The following IQCH variants were observed in gnomAD, a reference collection of about 807,000 sequenced individuals.
IQCH encodes the protein IQ motif containing H, also known as IQ domain-containing protein H.
A neutral mutation model predicts 117.0 loss-of-function variants in IQCH; 98 were observed. The observed-to-expected ratio is 0.84, with a 90% CI of 0.71 to 0.99. IQCH has a LOEUF of 0.99. Ranked by LOEUF, IQCH falls within the 50% of genes least tolerant of loss-of-function variation. The pLI, the probability that IQCH is intolerant of heterozygous loss-of-function variation, is 0.00. For missense variants in IQCH, 1,102 were observed against 1,243.8 expected, an observed-to-expected ratio of 0.89 and a Z score of 1.72; for synonymous variants, 412 against 448.2, an observed-to-expected ratio of 0.92 and a Z score of 1.02.
chr15:67,300,034 T>C (rs1966946669), intron 4 of IQCH, among the ~76,000 whole-genome samples: 1 of 152,174 alleles, frequency 6.6e-6, no homozygotes, highest in Non-Finnish European at 1.5e-5. Context: ...GTGATTTTTA[T>C]ATTTCTATCA....
At chr15:67,270,234 T>C (rs1965846078) in intron 3 of IQCH, among the ~76,000 whole-genome samples, 2 of 152,210 alleles carry the variant, frequency 1.3e-5, no homozygotes, top group African/African-American at 4.8e-5. Flanking sequence ...CTAATTGCTC[T>C]GGCCAGGATT....
intron 4 of IQCH, among the ~76,000 whole-genome samples, chr15:67,301,336 G>A (rs890291430): frequency 2.0e-5 from 3 of 149,490 alleles, no homozygotes; most frequent in African/African-American, 7.4e-5. Context: ...TAGATGGTTC[G>A]TAAGACAAAT....
intron 4 of IQCH, among the ~76,000 whole-genome samples, chr15:67,327,076 A>G (rs1968445429): frequency 1.3e-5 from 2 of 152,196 alleles, no homozygotes; most frequent in African/African-American, 4.8e-5. Flanking sequence ...ATTTCTATTT[A>G]CATTTGTTAA....
chr15:67,389,407 C>T (rs1486361233), intron 12 of IQCH, among the ~76,000 whole-genome samples: 2 of 152,096 alleles, frequency 1.3e-5, no homozygotes, highest in Non-Finnish European at 2.9e-5. Context: ...ACAGGTACTC[C>T]GTGTTTTTTC....
intron 3 of IQCH, among the ~76,000 whole-genome samples, chr15:67,272,258 GTAGT>G (rs1965928699): frequency 6.6e-6 from 1 of 151,824 alleles, no homozygotes; most frequent in Non-Finnish European, 1.5e-5. Flanking sequence ...TTATCTCATT[GTAGT>G]TAGAAAAAAA....
At chr15:67,337,160 C>T (rs1968931802) in intron 5 of IQCH, 65 bp downstream of exon 5, 7 of 1,572,266 alleles carry the variant, frequency 4.5e-6, no homozygotes, top group Middle Eastern at 1.7e-4. Flanking sequence ...GAGGTAGGAT[C>T]GGAGGCCTGA....
At chr15:67,321,783 C>G (rs1313033763) in intron 4 of IQCH, among the ~76,000 whole-genome samples, 2 of 152,160 alleles carry the variant, frequency 1.3e-5, no homozygotes, top group Non-Finnish European at 2.9e-5. Context: ...CACTTGGAAA[C>G]TTTTCATTTA....
chr15:67,452,415 G>C (rs1489872172), intron 16 of IQCH, among the ~76,000 whole-genome samples: 1 of 152,148 alleles, frequency 6.6e-6, no homozygotes, highest in African/African-American at 2.4e-5. Flanking sequence ...TTTAGGGCTG[G>C]CCTGGTGGTG....
chr15:67,310,874 G>A lies in IQCH; in HGVS notation c.388-26101G>A, dbSNP rs554314201. Among the ~76,000 whole-genome samples, 20 of 152,150 alleles carry A rather than the reference G, an allele frequency of 1.3e-4. No homozygotes were observed. In the East Asian group the frequency reaches 2.7e-3, roughly 21 times the overall value. ...TGACTGTCTGAAAGAGAAGGGTGGCGAGATATCTGAAAAGAAATTTAAATG... is the reference window on the plus strand; with the variant it reads ...TGACTGTCTGAAAGAGAAGGGTGGCAAGATATCTGAAAAGAAATTTAAATG... On this transcript the variant is annotated intron_variant, in intron 4 of 20. Transcript: ENST00000335894.
At chr15:67,268,586 GGAAAA>G (rs1007238455) in intron 3 of IQCH, among the ~76,000 whole-genome samples, 1 of 151,994 alleles carries the variant, frequency 6.6e-6, no homozygotes, top group East Asian at 1.9e-4. Flanking sequence ...CTACTATTTA[GGAAAA>G]GAAAAGAAAA....
At position 67,458,364 on chromosome 15, in the gene IQCH, G is replaced by T. The variant is rs2082707455; in HGVS notation, c.2506-6763G>T. On this transcript the variant is annotated intron_variant, in intron 16 of 20. Transcript: ENST00000335894. This position sits in a 1 kb window ranked among gnomAD's most constrained non-coding sequence, Gnocchi z 4.1. ...TCCAATCCATCAATAAGTCCTTTTA[G>T]TTCTACTTTTGAAAAATATCTATAA... Among the ~76,000 whole-genome samples the T allele has an allele frequency of 6.6e-6, 1 of 152,168 alleles. No individual in the cohort carries two copies. Among genetic ancestry groups the T allele is most frequent in the Non-Finnish European group, 1.5e-5 (1 of 68,030 alleles).
In IQCH at chr15:67,432,100, T is replaced by C. The variant is rs987293367; in HGVS notation, c.2505+10523T>C. 5.9e-5 allele frequency among the ~76,000 whole-genome samples: 9 copies of C among 152,176 alleles called. No homozygotes were observed. The East Asian group carries it at 1.5e-3, about 26-fold the overall frequency. On this transcript the variant is annotated intron_variant, in intron 16 of 20. Coordinates refer to ENST00000335894, the MANE Select transcript of IQCH (RefSeq NM_001031715.3). The surrounding 1 kb of genome is among the most constrained non-coding windows in gnomAD (Gnocchi z 5.0). ...AATTGTGAACTTTGAAACAACAATC[T>C]GTATTATAAGCATTGATAGTTAATA...
rs531441084 is a variant in IQCH, at chr15:67,273,097, GTC to G, written c.270-6290_270-6289del. The stretch of plus-strand genomic sequence containing the variant: ...AATTAATTTATTTTTTGGAGACAGG[GTC>G]TCTCTCTGTCGCCCAGGCTGGAGTG... On this transcript the variant is annotated intron_variant, in intron 3 of 20. Coordinates refer to ENST00000335894, the MANE Select transcript of IQCH (RefSeq NM_001031715.3). 5.3e-3 allele frequency among the ~76,000 whole-genome samples: 800 copies of G among 151,864 alleles called. 4 individuals carry two copies. The highest frequency in any genetic ancestry group is 0.019 in the African/African-American group (776 of 41,414).
chr15:67,489,411 T>TGCCTCCCA (rs1456577566), intron 18 of IQCH, among the ~76,000 whole-genome samples: 2 of 151,786 alleles, frequency 1.3e-5, no homozygotes, highest in Non-Finnish European at 2.9e-5. Flanking sequence ...CTGAAACCTC[T>TGCCTCCCA]GCCTCCCAGG....
intron 4 of IQCH, among the ~76,000 whole-genome samples, chr15:67,336,022 C>A (rs774617884): frequency 2.0e-5 from 3 of 151,778 alleles, no homozygotes; most frequent in Non-Finnish European, 4.4e-5. Context: ...ATTGTGCAAC[C>A]GAGTCCAATG....
chr15:67,382,627 T>A (rs1490981027), intron 10 of IQCH, among the ~76,000 whole-genome samples: 2 of 152,190 alleles, frequency 1.3e-5, no homozygotes, highest in Non-Finnish European at 2.9e-5. Context: ...ATAACTAAAT[T>A]TCTCACAAGA....
In IQCH at chr15:67,417,160, T is replaced by G; in HGVS notation, c.2218+109T>G. ...ATACTTTGCATCTCCTGTGTTGGTT[T>G]AGAAAAGTGCTCCTACGGTTTTCTT... On this transcript the variant is annotated intron_variant, in intron 15 of 20. Transcript: ENST00000335894. This position sits in a 1 kb window ranked among gnomAD's most constrained non-coding sequence, Gnocchi z 4.3. 2 of 892,486 alleles carry G rather than the reference T, an allele frequency of 2.2e-6. No individual in the cohort carries two copies. The highest frequency in any genetic ancestry group is 3.2e-6 in the Non-Finnish European group (2 of 624,048). The allele number at this position is 892,486 out of a possible 1,614,324, so 55.3% of individuals were successfully genotyped here. A position where few individuals can be genotyped will look rare whatever the true frequency, so the allele number is the denominator to read the frequency against.
At chr15:67,440,563 C>G (rs2082243690) in intron 16 of IQCH, among the ~76,000 whole-genome samples, 1 of 152,170 alleles carries the variant, frequency 6.6e-6, no homozygotes, top group African/African-American at 2.4e-5. Context: ...GATGGTTTAA[C>G]ATACGCAAGT....
At chr15:67,274,040 A>G (rs1966017432) in intron 3 of IQCH, among the ~76,000 whole-genome samples, 1 of 152,200 alleles carries the variant, frequency 6.6e-6, no homozygotes, top group African/African-American at 2.4e-5. Context: ...TGCCAGATTA[A>G]TTAGAGCTCC....
Sources: gnomAD v4.1 joint callset for allele counts (sites outside exome capture counted in the v4.1 genomes callset) on GRCh38, gnomAD v4.1.1 for gene constraint, Gnocchi (gnomAD v3.1) non-coding constraint, MANE v1.5 for transcripts, NCBI Gene and HGNC (gene_info 2026-07-23, HGNC 2026-07-21) for gene names.